Variants in CACNA2D3 observed in about 807,000 individuals in gnomAD.
CACNA2D3 encodes the protein voltage-dependent calcium channel subunit alpha-2/delta-3.
A neutral mutation model predicts 160.6 loss-of-function variants in CACNA2D3; 60 were observed. The observed-to-expected ratio is 0.37, with a 90% CI of 0.30 to 0.46. CACNA2D3 has a LOEUF of 0.46. Among genes scored for constraint, CACNA2D3 ranks in the 20% least tolerant of loss-of-function variants. The pLI, the probability that CACNA2D3 is intolerant of heterozygous loss-of-function variation, is 1.00. For synonymous variants in CACNA2D3, 558 were observed against 492.9 expected (o/e 1.13, Z -1.75); for missense variants, 1,205 against 1,365.0 (o/e 0.88, Z 1.85).
At chr3:54,857,160 A>G (rs999425638) in intron 17 of CACNA2D3, among the ~76,000 whole-genome samples, 2 of 152,162 alleles carry the variant, frequency 1.3e-5, no homozygotes, top group Non-Finnish European at 2.9e-5. Context: ...AGTGTGTACA[A>G]AAACTCTGAG....
chr3:54,618,835 G>C (rs1379919298), intron 9 of CACNA2D3, among the ~76,000 whole-genome samples: 1 of 152,140 alleles, frequency 6.6e-6, no homozygotes, highest in Non-Finnish European at 1.5e-5. Context: ...CATTCCCCCT[G>C]GGTGTTGGCT....
chr3:54,973,118 A>G (rs916691134), intron 29 of CACNA2D3, among the ~76,000 whole-genome samples: 4 of 152,138 alleles, frequency 2.6e-5, no homozygotes, highest in Admixed American at 6.5e-5. Flanking sequence ...AGGAGATGAT[A>G]TTGAAGACAA....
At chr3:54,971,228 A>C (rs1575415266) in intron 29 of CACNA2D3, among the ~76,000 whole-genome samples, 1 of 152,168 alleles carries the variant, frequency 6.6e-6, no homozygotes. Context: ...TATGGTCCAC[A>C]CCCTTTTCAG....
chr3:54,977,735 G>A (rs1702422541), intron 29 of CACNA2D3, among the ~76,000 whole-genome samples: 1 of 152,176 alleles, frequency 6.6e-6, no homozygotes, highest in African/African-American at 2.4e-5. Context: ...TGAGCATCAT[G>A]ATGTTACCTG....
intron 2 of CACNA2D3, among the ~76,000 whole-genome samples, chr3:54,257,574 G>A (rs1388507350): frequency 6.6e-6 from 1 of 152,040 alleles, no homozygotes; most frequent in Non-Finnish European, 1.5e-5. Context: ...GTCTTGTCAT[G>A]TCAGAGAGGA....
At chr3:54,512,166 TCAGGAATGCTAGC>T (rs1042106046) in intron 5 of CACNA2D3, among the ~76,000 whole-genome samples, 6 of 152,084 alleles carry the variant, frequency 3.9e-5, no homozygotes, top group Non-Finnish European at 5.9e-5. Flanking sequence ...CCAGGCCTCC[TCAGGAATGCTAGC>T]CAGGTGCCCT....
chr3:54,271,701 C>T (rs1702624920), intron 2 of CACNA2D3, among the ~76,000 whole-genome samples: 1 of 152,194 alleles, frequency 6.6e-6, no homozygotes, highest in South Asian at 2.1e-4. Flanking sequence ...GTGGTGCTCT[C>T]TCTGGCTCTC....
intron 9 of CACNA2D3, chr3:54,626,579 A>G (rs1409885771): frequency 1.3e-6 from 2 of 1,563,774 alleles, no homozygotes; most frequent in African/African-American, 1.4e-5. Context: ...TCCATCACCT[A>G]CAAGCCCATA....
At chr3:54,406,452 T>C (rs2106715630) in intron 4 of CACNA2D3, among the ~76,000 whole-genome samples, 1 of 152,246 alleles carries the variant, frequency 6.6e-6, no homozygotes, top group Admixed American at 6.5e-5. Context: ...TGTACACATA[T>C]ATACAATGGA....
chr3:54,476,286 AT>A (rs71619803), intron 4 of CACNA2D3, among the ~76,000 whole-genome samples: 16 of 150,258 alleles, frequency 1.1e-4, no homozygotes, highest in Non-Finnish European at 2.1e-4. Flanking sequence ...CATATATCAC[AT>A]TTTTTTTATC....
At chr3:54,290,073 T>C (rs1333208761) in intron 2 of CACNA2D3, among the ~76,000 whole-genome samples, 1 of 151,424 alleles carries the variant, frequency 6.6e-6, no homozygotes, top group Non-Finnish European at 1.5e-5. Context: ...CTAATTAAAC[T>C]AAAGAGCTTC....
At position 54,607,544 on chromosome 3, in the gene CACNA2D3, T is replaced by TA. The variant is rs201932503; in HGVS notation, c.964-20234dup. On this transcript the variant is annotated intron_variant, in intron 9 of 37. Transcript: ENST00000474759. ...GTGCCGCTACACACAATAGCCAGAG[T>TA]AAAAAAAAATACTGACAATACTAAA... is the stretch of plus-strand genomic sequence containing the variant. Among the ~76,000 whole-genome samples, 1,045 of 150,882 alleles carry TA rather than the reference T, an allele frequency of 6.9e-3. 10 individuals are homozygous for TA. Among genetic ancestry groups the TA allele is most frequent in the South Asian group, 0.015 (73 of 4,736 alleles).
intron 2 of CACNA2D3, among the ~76,000 whole-genome samples, chr3:54,246,636 AT>A (rs1452364638): frequency 1.3e-5 from 2 of 151,502 alleles, no homozygotes; most frequent in Non-Finnish European, 2.9e-5. Context: ...AGGCAGGATA[AT>A]CACTTGAACC....
At chr3:54,949,898 A>T (rs1701713919) in intron 27 of CACNA2D3, among the ~76,000 whole-genome samples, 1 of 152,172 alleles carries the variant, frequency 6.6e-6, no homozygotes, top group Non-Finnish European at 1.5e-5. Flanking sequence ...ATGAGGCATT[A>T]TTCATGTCTA....
chr3:54,589,883 AAAAT>A (rs1702827971), intron 9 of CACNA2D3, among the ~76,000 whole-genome samples: 1 of 152,228 alleles, frequency 6.6e-6, no homozygotes, highest in African/African-American at 2.4e-5. Flanking sequence ...ACTAGAATAA[AAAAT>A]AAAAAGAATA....
At chr3:54,992,969 G>C (rs1229136248) in intron 31 of CACNA2D3, among the ~76,000 whole-genome samples, 1 of 152,040 alleles carries the variant, frequency 6.6e-6, no homozygotes, top group Non-Finnish European at 1.5e-5. Context: ...GGAGGAAGAG[G>C]GAGGAGGAGA....
intron 4 of CACNA2D3, among the ~76,000 whole-genome samples, chr3:54,431,884 A>G (rs929643967): frequency 6.6e-6 from 1 of 152,250 alleles, no homozygotes; most frequent in East Asian, 1.9e-4. Flanking sequence ...CCGGGATTAC[A>G]GGCATGAGCC....
At chr3:54,298,473 C>A (rs1041120043) in intron 2 of CACNA2D3, among the ~76,000 whole-genome samples, 5 of 152,186 alleles carry the variant, frequency 3.3e-5, no homozygotes, top group African/African-American at 1.2e-4. Flanking sequence ...AGTGAGTTTA[C>A]TCAACTTTCA....
chr3:54,935,409 C>G (rs1304294988), intron 27 of CACNA2D3, among the ~76,000 whole-genome samples: 1 of 152,188 alleles, frequency 6.6e-6, no homozygotes, highest in Non-Finnish European at 1.5e-5. Flanking sequence ...TTAGTGAGCT[C>G]ATGCGGCTGG....
Sources: allele counts gnomAD v4.1 joint callset (sites outside exome capture counted in the v4.1 genomes callset), GRCh38; gene constraint gnomAD v4.1.1; transcripts MANE v1.5; gene names NCBI Gene and HGNC (gene_info 2026-07-23, HGNC 2026-07-21).